The following MYO1E variants were observed in gnomAD, a reference collection of about 807,000 sequenced individuals.
MYO1E encodes unconventional myosin-Ie.
A neutral mutation model predicts 151.1 loss-of-function variants in MYO1E; 68 were observed. The ratio of observed to expected loss-of-function variants is 0.45; its 90% CI spans 0.37 to 0.55. The LOEUF (loss-of-function observed/expected upper bound fraction) is 0.55. Ranked by LOEUF, MYO1E falls within the 20% of genes least tolerant of loss-of-function variation. The probability of loss-of-function intolerance (pLI) is 0.00; values close to 1 mark genes in which losing one functional copy is unlikely to be tolerated. For missense variants in MYO1E, 1,363 were observed against 1,389.3 expected, an observed-to-expected ratio of 0.98 and a Z score of 0.30; for synonymous variants, 601 against 501.7, an observed-to-expected ratio of 1.20 and a Z score of -2.64.
chr15:59,249,989 C>T (rs955764713), intron 4 of MYO1E, among the ~76,000 whole-genome samples: 2 of 152,078 alleles, frequency 1.3e-5, no homozygotes, highest in East Asian at 1.9e-4. Context: ...AAGGCCCAGA[C>T]AGGTGTGAGG....
chr15:59,137,251 G>A lies in MYO1E; in HGVS notation c.*129C>T. 2.4e-6 allele frequency: 2 copies of A among 834,518 alleles called. No homozygotes were observed. Among genetic ancestry groups the A allele is most frequent in the Non-Finnish European group, 4.0e-6 (2 of 495,614 alleles). The allele number at this position is 834,518 out of a possible 1,614,324, so 51.7% of individuals were successfully genotyped here. On this transcript the variant is annotated 3_prime_UTR_variant, in exon 28 of 28. Coordinates refer to ENST00000288235, the MANE Select transcript of MYO1E (RefSeq NM_004998.4). ...CTTTTCAGTGTCCTCCATGGGGAAG[G>A]TACCAGAATAGCTCCAGGCCTTGGA...
rs2079378810 is a variant in MYO1E at position 59,137,291 on chromosome 15, T to C, written c.*89A>G. 2 of 1,167,758 alleles carry C rather than the reference T, an allele frequency of 1.7e-6. No homozygotes were observed. Among genetic ancestry groups the C allele is most frequent in the Admixed American group, 1.7e-5 (1 of 57,934 alleles). The allele number at this position is 1,167,758 out of a possible 1,614,324, so 72.3% of individuals were successfully genotyped here. On this transcript the variant is annotated 3_prime_UTR_variant, in exon 28 of 28. Coordinates refer to ENST00000288235, the MANE Select transcript of MYO1E (RefSeq NM_004998.4). ...CAGGCCTTGGAGAAGCAATTGCTCA[T>C]TGTGGATTGTAAGGGGAGCCCCTAA...
intron 1 of MYO1E, among the ~76,000 whole-genome samples, chr15:59,311,887 G>A (rs529220421): frequency 1.3e-5 from 2 of 152,128 alleles, no homozygotes; most frequent in African/African-American, 2.4e-5. Flanking sequence ...ACTCTTTCTC[G>A]TGCACGCACT....
At position 59,218,072 on chromosome 15, in the gene MYO1E, G is replaced by T; in HGVS notation, c.926C>A (p.Ala309Glu). Residue 309 changes from alanine to glutamate, a missense_variant, in exon 10 of 28, where the codon GCA (alanine) becomes GAA (glutamate). Ala to Glu is a moderately radical substitution (Grantham distance 107). Transcript: ENST00000288235. ...GTCCTGGTTTATCCCTAGCAGATAT[G>T]CAGGAAAAGCTAAAACTGTAGAACA... ...VESEEFLAFP[A>E]YLLGINQDRL... The T allele has an allele frequency of 1.2e-6, 2 of 1,614,184 alleles. No individual in the cohort carries two copies. The highest frequency in any genetic ancestry group is 1.7e-6 in the Non-Finnish European group (2 of 1,180,024).
At chr15:59,356,671 G>A (rs188931851) in intron 1 of MYO1E, among the ~76,000 whole-genome samples, 11 of 152,030 alleles carry the variant, frequency 7.2e-5, no homozygotes, top group African/African-American at 1.7e-4. Context: ...TCTGCCTCCC[G>A]GGCTCCAGCA....
At chr15:59,145,005 G>A (rs2044436) in intron 26 of MYO1E, among the ~76,000 whole-genome samples, 5,596 of 152,092 alleles carry the variant, frequency 0.037, 224 homozygotes, top group African/African-American at 0.094. Context: ...CACCATGCCC[G>A]GCTAATCTTG....
chr15:59,224,176 C>T (rs1352072863), intron 8 of MYO1E, among the ~76,000 whole-genome samples: 1 of 152,204 alleles, frequency 6.6e-6, no homozygotes, highest in Non-Finnish European at 1.5e-5. Flanking sequence ...CCTAGTTTCA[C>T]AGCTTGGACC....
rs568459167 is a variant in MYO1E, at chr15:59,173,866, G to A, written c.2214C>T (p.Asn738=). 8.7e-6 allele frequency: 14 copies of A among 1,614,092 alleles called. No individual in the cohort carries two copies. The South Asian group carries it at 1.1e-4, about 13-fold the overall frequency. Residue 738 remains asparagine (N), a synonymous_variant, in exon 21 of 28, where the codon AAC becomes AAT. Coordinates refer to ENST00000288235, the MANE Select transcript of MYO1E (RefSeq NM_004998.4). ...NKKERRRNSI[N]RNFIGDYIGM... ...CAATATAATCCCCTATAAAGTTCCT[G>A]TTAATACTGTTTCTCCTTCTCTCCT... is the stretch of plus-strand genomic sequence containing the variant.
chr15:59,176,098 A>G (rs571958993), intron 19 of MYO1E, among the ~76,000 whole-genome samples: 1 of 152,264 alleles, frequency 6.6e-6, no homozygotes, highest in African/African-American at 2.4e-5. Flanking sequence ...TTGCTCTGTC[A>G]CCCAGGCTGG....
At chr15:59,179,903 G>C (rs746109525) in intron 18 of MYO1E, among the ~76,000 whole-genome samples, 1 of 152,236 alleles carries the variant, frequency 6.6e-6, no homozygotes, top group East Asian at 1.9e-4. Context: ...CGTGGCCCAC[G>C]TGAGAGCACA....
chr15:59,210,540 C>T lies in MYO1E; in HGVS notation c.1336G>A (p.Val446Ile), dbSNP rs750866313. 28 of 1,602,798 alleles carry T rather than the reference C, an allele frequency of 1.7e-5. No homozygotes were observed. The highest frequency in any genetic ancestry group is 5.4e-5 in the African/African-American group (4 of 74,716). ...ACTTTGTTCTCTATGAGGTCACATA[C>T]GATTTTATTATTAAAGTACTCAATG... ...TPIEYFNNKI[V>I]CDLIENKVNP... Residue 446 changes from valine (V) to isoleucine (I), a missense_variant, in exon 13 of 28, where the codon GTA (valine) becomes ATA (isoleucine). By Grantham distance (29) the Val-to-Ile change is conservative (BLOSUM62 3). Transcript: ENST00000288235.
At chr15:59,310,687 T>C (rs956472972) in intron 1 of MYO1E, among the ~76,000 whole-genome samples, 15 of 152,162 alleles carry the variant, frequency 9.9e-5, no homozygotes, top group Admixed American at 1.3e-4. Flanking sequence ...CACCAGTTCA[T>C]AGCAATTTGT....
chr15:59,162,191 A>G (rs781219553), intron 23 of MYO1E, among the ~76,000 whole-genome samples: 5 of 151,926 alleles, frequency 3.3e-5, no homozygotes, highest in Non-Finnish European at 5.9e-5. Flanking sequence ...ATGCACCACC[A>G]TACTCGGCTA....
intron 16 of MYO1E, among the ~76,000 whole-genome samples, chr15:59,201,502 T>C (rs2079802012): frequency 6.6e-6 from 1 of 151,620 alleles, no homozygotes; most frequent in Non-Finnish European, 1.5e-5. Context: ...CCTCCAGGGT[T>C]CAAGTGATTC....
At chr15:59,346,904 G>A (rs775990122) in intron 1 of MYO1E, among the ~76,000 whole-genome samples, 5 of 149,582 alleles carry the variant, frequency 3.3e-5, no homozygotes, top group Admixed American at 6.6e-5. Context: ...GTGACAGAGC[G>A]AGACCTTGTC....
chr15:59,219,164 C>T (rs1297733958), intron 9 of MYO1E, among the ~76,000 whole-genome samples: 1 of 152,168 alleles, frequency 6.6e-6, no homozygotes, highest in Non-Finnish European at 1.5e-5. Flanking sequence ...CGGAGACTTC[C>T]ATAGCTCAAC....
At chr15:59,140,894 T>C (rs1369724873) in intron 26 of MYO1E, among the ~76,000 whole-genome samples, 2 of 152,164 alleles carry the variant, frequency 1.3e-5, no homozygotes, top group Non-Finnish European at 2.9e-5. Flanking sequence ...ACCACCCCCC[T>C]GCACTTTTCT....
At chr15:59,235,402 T>G (rs1388363579) in intron 5 of MYO1E, among the ~76,000 whole-genome samples, 3 of 152,004 alleles carry the variant, frequency 2.0e-5, no homozygotes, top group African/African-American at 7.3e-5. Context: ...CACTCTCTTT[T>G]GATCCCTCAA....
intron 10 of MYO1E, 67 bp from the exon 11 acceptor site, chr15:59,214,787 G>C: frequency 8.0e-7 from 1 of 1,242,434 alleles, no homozygotes. Context: ...CATGCACTGG[G>C]GAAAGGGAAG....
Sources: allele counts gnomAD v4.1 joint callset (sites outside exome capture counted in the v4.1 genomes callset), GRCh38; gene constraint gnomAD v4.1.1; transcripts MANE v1.5; gene names NCBI Gene and HGNC (gene_info 2026-07-23, HGNC 2026-07-21).